ZBTB20: variants seen among roughly 807,000 people sequenced by gnomAD.
ZBTB20 encodes zinc finger and BTB domain containing 20, also known as zinc finger and BTB domain-containing protein 20.
A neutral mutation model predicts 56.9 loss-of-function variants in ZBTB20; 9 were observed. That is an observed-to-expected ratio of 0.16 (90% CI 0.10 to 0.28). ZBTB20 has a LOEUF of 0.28. ZBTB20 is among the 10% of genes least tolerant of loss of function. ZBTB20 has a pLI of 1.00. For synonymous variants in ZBTB20, 417 were observed against 420.7 expected (o/e 0.99, Z 0.11); for missense variants, 655 against 1,003.0 (o/e 0.65, Z 4.69).
intron 5 of ZBTB20, among the ~76,000 whole-genome samples, chr3:114,748,310 C>CT (rs1173075017): frequency 1.5e-5 from 2 of 134,944 alleles, no homozygotes; most frequent in African/African-American, 6.0e-5. Flanking sequence ...TTCTTTCTTT[C>CT]TTTCTTTCTT....
At chr3:114,796,294 T>G (rs1338387477) in intron 5 of ZBTB20, among the ~76,000 whole-genome samples, 2 of 151,968 alleles carry the variant, frequency 1.3e-5, no homozygotes, top group Admixed American at 6.6e-5. Flanking sequence ...ACATTCCAGA[T>G]GCTGGAACAA....
At chr3:114,726,630 A>T (rs910475749) in intron 5 of ZBTB20, among the ~76,000 whole-genome samples, 2 of 152,134 alleles carry the variant, frequency 1.3e-5, no homozygotes, top group African/African-American at 4.8e-5. Context: ...ACAGTGAGAT[A>T]GGCCGGGCGC....
rs1252681606 is a variant in ZBTB20, at chr3:114,717,865, TC to T, written c.-342-24291del. Among the ~76,000 whole-genome samples the T allele has an allele frequency of 1.9e-3, 287 of 152,270 alleles. 2 individuals carry two copies. Among genetic ancestry groups the T allele is most frequent in the African/African-American group, 6.2e-3 (256 of 41,560 alleles). ...ATTTAACACGGATAACCGCTTCTTTTCCTCCTCGAAACTGTAATATCTTTTG... is the reference window on the plus strand; with the variant it reads ...ATTTAACACGGATAACCGCTTCTTTTCTCCTCGAAACTGTAATATCTTTTG... On this transcript the variant is annotated intron_variant, in intron 5 of 11. Transcript: ENST00000675478.
At chr3:115,095,534 T>A (rs932150934) in intron 1 of ZBTB20, among the ~76,000 whole-genome samples, 3 of 152,114 alleles carry the variant, frequency 2.0e-5, no homozygotes, top group Admixed American at 6.5e-5. Context: ...GCATGCCACT[T>A]ATTCATTATT....
At chr3:114,822,693 T>A (rs1366624369) in intron 4 of ZBTB20, among the ~76,000 whole-genome samples, 1 of 152,080 alleles carries the variant, frequency 6.6e-6, no homozygotes, top group Non-Finnish European at 1.5e-5. Flanking sequence ...GAAAATATGT[T>A]ACATACTATA....
chr3:114,622,932 T>C (rs1560051013), intron 6 of ZBTB20, among the ~76,000 whole-genome samples: 1 of 152,194 alleles, frequency 6.6e-6, no homozygotes, highest in Non-Finnish European at 1.5e-5. Context: ...AGTTTCAGCC[T>C]ATGAGAACCA....
In ZBTB20 at chr3:114,581,842, G is replaced by A. The variant is rs1005662073; in HGVS notation, c.-294-81451C>T. ...AATATAAATTGGTACAAATACATTGGAGGGAGGTTTTACAATACCTAGTAA... is the reference window on the plus strand; with the variant it reads ...AATATAAATTGGTACAAATACATTGAAGGGAGGTTTTACAATACCTAGTAA... On this transcript the variant is annotated intron_variant, in intron 6 of 11. Transcript: ENST00000675478. Among the ~76,000 whole-genome samples the A allele has an allele frequency of 3.3e-5, 5 of 152,258 alleles. No individual in the cohort carries two copies. The South Asian group carries it at 1.0e-3, about 32-fold the overall frequency.
intron 6 of ZBTB20, among the ~76,000 whole-genome samples, chr3:114,683,763 C>T (rs1398938333): frequency 6.6e-6 from 1 of 151,974 alleles, no homozygotes; most frequent in African/African-American, 2.4e-5. Flanking sequence ...GGAAAAGGTC[C>T]TGGGGCAGAA....
chr3:114,965,503 T>C (rs1407051346), intron 3 of ZBTB20, among the ~76,000 whole-genome samples: 1 of 152,176 alleles, frequency 6.6e-6, no homozygotes, highest in Admixed American at 6.5e-5. Flanking sequence ...AGCTTGACTT[T>C]TTTAGATTCC....
intron 6 of ZBTB20, among the ~76,000 whole-genome samples, chr3:114,514,643 G>T (rs1488644585): frequency 6.6e-6 from 1 of 152,130 alleles, no homozygotes; most frequent in African/African-American, 2.4e-5. Context: ...ACTTTATTTG[G>T]TCACTGGGTT....
Position 114,334,730 on chromosome 3 carries a change from C to T in ZBTB20, c.*4275G>A, listed in dbSNP as rs930855033. ...GAATGAACTGAGGCTAGAATATGAG[C>T]AGGAAATTATCCAGCACACTTAATC... On this transcript the variant is annotated 3_prime_UTR_variant, in exon 12 of 12. Coordinates refer to ENST00000675478, the MANE Select transcript of ZBTB20 (RefSeq NM_001348800.3). 2 of 152,138 alleles carry T rather than the reference C, an allele frequency of 1.3e-5. No homozygotes were observed. The highest frequency in any genetic ancestry group is 4.8e-5 in the African/African-American group (2 of 41,422). 9.4% of individuals were successfully genotyped at this position (152,138 alleles called of 1,614,324 possible).
At chr3:114,834,812 C>T (rs929808590) in intron 4 of ZBTB20, among the ~76,000 whole-genome samples, 4 of 151,888 alleles carry the variant, frequency 2.6e-5, no homozygotes, top group African/African-American at 7.3e-5. Context: ...GATATGGAGT[C>T]GTTATCACAT....
At chr3:115,035,848 C>T (rs866551537) in intron 2 of ZBTB20, among the ~76,000 whole-genome samples, 1 of 152,056 alleles carries the variant, frequency 6.6e-6, no homozygotes, top group South Asian at 2.1e-4. Flanking sequence ...TAAATGGATA[C>T]ACAAATTGTG....
chr3:115,017,351 C>T (rs2080011363), intron 2 of ZBTB20, among the ~76,000 whole-genome samples: 1 of 151,564 alleles, frequency 6.6e-6, no homozygotes, highest in African/African-American at 2.4e-5. Flanking sequence ...TCAAGGACAG[C>T]TACAAACCAC....
At chr3:114,881,792 A>T (rs1310859562) in intron 4 of ZBTB20, among the ~76,000 whole-genome samples, 2 of 151,800 alleles carry the variant, frequency 1.3e-5, no homozygotes, top group Non-Finnish European at 3.0e-5. Context: ...TCAAAGAATT[A>T]AAAAAATTGG....
chr3:114,973,514 T>C (rs1235598253), intron 3 of ZBTB20, among the ~76,000 whole-genome samples: 2 of 152,104 alleles, frequency 1.3e-5, no homozygotes, highest in Non-Finnish European at 2.9e-5. Flanking sequence ...GACATTCAGG[T>C]GAAAGTACTG....
At chr3:114,610,961 T>C (rs1360461087) in intron 6 of ZBTB20, among the ~76,000 whole-genome samples, 1 of 152,178 alleles carries the variant, frequency 6.6e-6, no homozygotes, top group Non-Finnish European at 1.5e-5. Context: ...CTTCAAAAAA[T>C]TTTGGAATTG....
At chr3:114,783,834 T>C (rs1290380757) in intron 5 of ZBTB20, among the ~76,000 whole-genome samples, 1 of 150,374 alleles carries the variant, frequency 6.7e-6, no homozygotes, top group Non-Finnish European at 1.5e-5. Context: ...ATGATGGTGA[T>C]GATGTATGAA....
intron 5 of ZBTB20, among the ~76,000 whole-genome samples, chr3:114,732,474 A>G (rs1237138461): frequency 1.3e-5 from 2 of 152,176 alleles, no homozygotes; most frequent in Non-Finnish European, 2.9e-5. Flanking sequence ...GTGCCCGTAG[A>G]GGAAAATGTA....
Sources: gnomAD v4.1 joint callset for allele counts (sites outside exome capture counted in the v4.1 genomes callset) on GRCh38, gnomAD v4.1.1 for gene constraint, MANE v1.5 for transcripts, NCBI Gene and HGNC (gene_info 2026-07-23, HGNC 2026-07-21) for gene names.